CCDC91: variants seen among roughly 807,000 people sequenced by gnomAD.
CCDC91 encodes the protein coiled-coil domain containing 91.
In CCDC91, 48 loss-of-function variants were observed where a neutral mutation model predicts 63.2. The ratio of observed to expected loss-of-function variants is 0.76; its 90% confidence interval spans 0.60 to 0.97. The LOEUF is 0.97. Among genes scored for constraint, CCDC91 ranks in the 50% least tolerant of loss-of-function variants. The pLI is 0.00. For missense variants in CCDC91, 500 were observed against 494.6 expected, an observed-to-expected ratio of 1.01 and a Z score of -0.10; for synonymous variants, 167 against 165.8, an observed-to-expected ratio of 1.01 and a Z score of -0.06.
chr12:28,423,952 T>G (rs1412602111), intron 8 of CCDC91, among the ~76,000 whole-genome samples: 1 of 152,202 alleles, frequency 6.6e-6, no homozygotes, highest in Non-Finnish European at 1.5e-5. Flanking sequence ...TGCAGAGTTG[T>G]AGAACAGTTG....
chr12:28,427,978 G>C lies in CCDC91; in HGVS notation c.763-22183G>C, dbSNP rs747278189. On this transcript the variant is annotated intron_variant, in intron 8 of 12. Coordinates refer to ENST00000536442, the MANE Select transcript of CCDC91 (RefSeq NM_018318.5). ...CAGTAAAGGCATAAAGTAGGGATGAGGATGTCTAGTACTCTGCTGGAGGGA... is the reference window on the plus strand; with the variant it reads ...CAGTAAAGGCATAAAGTAGGGATGACGATGTCTAGTACTCTGCTGGAGGGA... Among the ~76,000 whole-genome samples the C allele has an allele frequency of 5.3e-5, 8 of 152,244 alleles. No individual in the cohort carries two copies. The East Asian group carries it at 9.7e-4, about 18-fold the overall frequency.
intron 6 of CCDC91, among the ~76,000 whole-genome samples, chr12:28,327,811 A>T (rs976902180): frequency 1.3e-5 from 2 of 152,102 alleles, no homozygotes; most frequent in African/African-American, 2.4e-5. Context: ...GATTATAATG[A>T]AGTCTGAAGT....
intron 1 of CCDC91, among the ~76,000 whole-genome samples, chr12:28,196,094 G>C (rs1381162789): frequency 6.6e-6 from 1 of 152,174 alleles, no homozygotes; most frequent in Admixed American, 6.5e-5. Flanking sequence ...AACAGAGAGA[G>C]CCTCTTTCAA....
intron 1 of CCDC91, among the ~76,000 whole-genome samples, chr12:28,250,565 G>C (rs1394056870): frequency 2.0e-5 from 3 of 151,994 alleles, no homozygotes; most frequent in Non-Finnish European, 2.9e-5. Context: ...TCTTAATATG[G>C]GTAGAGCTGT....
intron 6 of CCDC91, among the ~76,000 whole-genome samples, chr12:28,329,328 T>C (rs1366578681): frequency 1.3e-5 from 2 of 152,194 alleles, no homozygotes; most frequent in Non-Finnish European, 2.9e-5. Flanking sequence ...TTGTGGCATG[T>C]ATTTCATTCC....
At chr12:28,341,101 A>T (rs972887273) in intron 6 of CCDC91, among the ~76,000 whole-genome samples, 6 of 151,996 alleles carry the variant, frequency 3.9e-5, no homozygotes, top group African/African-American at 1.5e-4. Context: ...TGCCTTGCTG[A>T]CGTCTGTCGG....
At chr12:28,214,805 G>A (rs185016187) in intron 1 of CCDC91, among the ~76,000 whole-genome samples, 1 of 152,242 alleles carries the variant, frequency 6.6e-6, no homozygotes, top group South Asian at 2.1e-4. Context: ...GTTGCATCAC[G>A]TTAGGTGGAA....
intron 12 of CCDC91, among the ~76,000 whole-genome samples, chr12:28,497,638 T>C (rs1952377742): frequency 1.3e-5 from 2 of 151,578 alleles, no homozygotes; most frequent in Non-Finnish European, 3.0e-5. Flanking sequence ...GCAGCGTACA[T>C]TGAGATTGAG....
intron 8 of CCDC91, among the ~76,000 whole-genome samples, chr12:28,398,712 A>G (rs1252363195): frequency 2.0e-5 from 3 of 151,800 alleles, no homozygotes; most frequent in African/African-American, 7.3e-5. Context: ...GCTTTGGGGG[A>G]ATGGGGTGTG....
In CCDC91 at chr12:28,257,210, TGAA is replaced by T. The variant is rs1446069896; in HGVS notation, c.-2_1del. The T allele has an allele frequency of 3.7e-6, 6 of 1,608,430 alleles. No homozygotes were observed. In the East Asian group the frequency reaches 6.7e-5, roughly 18 times the overall value. On this transcript the variant is annotated 5_prime_UTR_variant, in exon 2 of 13. Coordinates refer to ENST00000536442, the MANE Select transcript of CCDC91 (RefSeq NM_018318.5). Reference sequence around the variant, plus strand: ...TATCTTATATTTTTCAGGTGCCACTTGAAGAATGGATGATGATGATTTTGGTGG... The same window carrying T: ...TATCTTATATTTTTCAGGTGCCACTTGAATGGATGATGATGATTTTGGTGG...
chr12:28,504,290 A>G lies in CCDC91; in HGVS notation c.1215+20125A>G, dbSNP rs148489464. ...TTTTGTACAATCCTATACCAAGAAAATGTTTCCCAATACTTTTATTGACAA... is the reference window on the plus strand; with the variant it reads ...TTTTGTACAATCCTATACCAAGAAAGTGTTTCCCAATACTTTTATTGACAA... On this transcript the variant is annotated intron_variant, in intron 12 of 12. Transcript: ENST00000536442. Among the ~76,000 whole-genome samples, 65 of 151,938 alleles carry G rather than the reference A, an allele frequency of 4.3e-4. 1 individual carries two copies. The East Asian group carries it at 0.012, about 28-fold the overall frequency.
At chr12:28,275,018 G>C (rs1948096771) in intron 3 of CCDC91, among the ~76,000 whole-genome samples, 1 of 151,982 alleles carries the variant, frequency 6.6e-6, no homozygotes, top group African/African-American at 2.4e-5. Flanking sequence ...GAGAAAGCAG[G>C]AAAGATCTAA....
chr12:28,299,577 C>T (rs1337842938), intron 3 of CCDC91, among the ~76,000 whole-genome samples: 1 of 151,464 alleles, frequency 6.6e-6, no homozygotes, highest in African/African-American at 2.4e-5. Flanking sequence ...AACATGGTGC[C>T]AAAAGTTGAG....
At chr12:28,384,821 G>A (rs1422177037) in intron 7 of CCDC91, among the ~76,000 whole-genome samples, 1 of 151,916 alleles carries the variant, frequency 6.6e-6, no homozygotes, top group African/African-American at 2.4e-5. Flanking sequence ...AGTTCATGGA[G>A]GAAAAATAGA....
chr12:28,266,808 G>A (rs964104641), intron 3 of CCDC91, among the ~76,000 whole-genome samples: 2 of 151,734 alleles, frequency 1.3e-5, no homozygotes, highest in African/African-American at 4.8e-5. Context: ...TGAAGGTTTG[G>A]CAATGAGTAT....
intron 1 of CCDC91, among the ~76,000 whole-genome samples, chr12:28,220,410 T>C (rs1478753913): frequency 6.6e-6 from 1 of 152,130 alleles, no homozygotes; most frequent in Non-Finnish European, 1.5e-5. Context: ...CATTGTGGTA[T>C]TGATATGCAA....
chr12:28,229,002 T>A (rs951693882), intron 1 of CCDC91, among the ~76,000 whole-genome samples: 4 of 152,116 alleles, frequency 2.6e-5, no homozygotes, highest in African/African-American at 9.7e-5. Flanking sequence ...TCTTATTTTA[T>A]GTATTGTAGT....
chr12:28,266,889 A>G (rs1947226504), intron 3 of CCDC91, among the ~76,000 whole-genome samples: 1 of 151,898 alleles, frequency 6.6e-6, no homozygotes, highest in Admixed American at 6.6e-5. Context: ...CCCCACCAAA[A>G]AAAACCACTG....
At chr12:28,349,685 A>G (rs1170780996) in intron 6 of CCDC91, among the ~76,000 whole-genome samples, 2 of 152,128 alleles carry the variant, frequency 1.3e-5, no homozygotes, top group African/African-American at 2.4e-5. Context: ...AATTCAGGCT[A>G]AACAGGAAAG....
Sources: allele counts gnomAD v4.1 joint callset (sites outside exome capture counted in the v4.1 genomes callset), GRCh38; gene constraint gnomAD v4.1.1; transcripts MANE v1.5; gene names NCBI Gene and HGNC (gene_info 2026-07-23, HGNC 2026-07-21).